The following HPGDS variants were observed in gnomAD, a reference collection of about 807,000 sequenced individuals.
HPGDS encodes GST class-sigma.
In HPGDS, 26 loss-of-function variants were observed where a neutral mutation model predicts 23.1. The observed-to-expected ratio is 1.13, with a 90% CI of 0.83 to 1.56. The LOEUF (loss-of-function observed/expected upper bound fraction) is 1.56, where lower values mean the gene tolerates loss of function less well. HPGDS is among the 40% of genes most tolerant of loss of function. HPGDS has a pLI of 0.00. For missense variants in HPGDS, 268 were observed against 236.4 expected (o/e 1.13, Z -0.88); for synonymous variants, 95 against 77.9 (o/e 1.22, Z -1.16).
At chr4:94,339,623 T>A (rs910478192) in intron 1 of HPGDS, among the ~76,000 whole-genome samples, 3 of 152,184 alleles carry the variant, frequency 2.0e-5, no homozygotes, top group Admixed American at 2.0e-4. Flanking sequence ...GGAAATAAGC[T>A]CTTTTATATG....
At position 94,328,214 on chromosome 4, in the gene HPGDS, G is replaced by C. The variant is rs548954018; in HGVS notation, c.133+6283C>G. ...AGCTGCTTCGCTTCCTTTTCTTTCT[G>C]TGCCTCAGAGGTTTCCCATCACTTC... On this transcript the variant is annotated intron_variant, in intron 2 of 5. Transcript: ENST00000295256. Among the ~76,000 whole-genome samples, 4 of 152,288 alleles carry C rather than the reference G, an allele frequency of 2.6e-5. No homozygotes were observed. The South Asian group carries it at 8.3e-4, about 32-fold the overall frequency.
chr4:94,310,777 G>A (rs962341229), intron 3 of HPGDS, among the ~76,000 whole-genome samples: 25 of 152,320 alleles, frequency 1.6e-4, no homozygotes, highest in African/African-American at 5.8e-4. Context: ...AGCATGGAAT[G>A]TTCTTCCATT....
At chr4:94,328,573 A>C (rs571334451) in intron 2 of HPGDS, among the ~76,000 whole-genome samples, 54 of 152,370 alleles carry the variant, frequency 3.5e-4, no homozygotes, top group Admixed American at 1.4e-3. Context: ...TAATTCAGCC[A>C]CATAGTTTTA....
At position 94,316,509 on chromosome 4, in the gene HPGDS, C is replaced by T. The variant is rs1209357639; in HGVS notation, c.226+1364G>A. On this transcript the variant is annotated intron_variant, in intron 3 of 5. Coordinates refer to ENST00000295256, the MANE Select transcript of HPGDS (RefSeq NM_014485.3). Reference sequence around the variant, plus strand: ...ACAATAATCTTCCCAAAATGCATAGCGGTAGTTATGCTGCTTTTCTAGATA... The same window carrying T: ...ACAATAATCTTCCCAAAATGCATAGTGGTAGTTATGCTGCTTTTCTAGATA... Among the ~76,000 whole-genome samples the T allele has an allele frequency of 6.7e-5, 8 of 119,308 alleles. No individual in the cohort carries two copies. The South Asian group carries it at 8.0e-4, about 12-fold the overall frequency. 78.3% of individuals were successfully genotyped at this position (119,308 alleles called of 152,430 possible). A position where few individuals can be genotyped will look rare whatever the true frequency, so the allele number is the denominator to read the frequency against.
chr4:94,319,851 T>G (rs1756468219), intron 2 of HPGDS, among the ~76,000 whole-genome samples: 1 of 152,196 alleles, frequency 6.6e-6, no homozygotes, highest in Admixed American at 6.5e-5. Flanking sequence ...CATGTTGGTG[T>G]GCTGCACCCA....
chr4:94,330,831 C>T (rs1290372670), intron 2 of HPGDS, among the ~76,000 whole-genome samples: 1 of 152,050 alleles, frequency 6.6e-6, no homozygotes, highest in African/African-American at 2.4e-5. Context: ...TTTGACAGCA[C>T]CCTGTTGTTA....
At position 94,299,488 on chromosome 4, in the gene HPGDS, T is replaced by A; in HGVS notation, c.592A>T (p.Lys198Ter). Residue 198 changes from lysine (K) to a stop codon, truncating the protein, a stop_gained, in exon 6 of 6, where the codon AAA becomes TAA. Transcript: ENST00000295256. LOFTEE classifies it high-confidence loss of function. ...AAGGCAACATGGATCAGCTAGAGTT[T>A]GGTTTGGGGCCTTCGTTTTATCCAG... Reference protein sequence around the residue: ...ANWIKRRPQTKL With the variant: ...ANWIKRRPQT The A allele has an allele frequency of 6.2e-7, 1 of 1,607,198 alleles. No homozygotes were observed. The highest frequency in any genetic ancestry group is 8.5e-7 in the Non-Finnish European group (1 of 1,175,616).
rs890104076 is a variant in HPGDS at position 94,315,553 on chromosome 4, T to C, written c.226+2320A>G. Among the ~76,000 whole-genome samples, 4 of 152,296 alleles carry C rather than the reference T, an allele frequency of 2.6e-5. No individual in the cohort carries two copies. In the East Asian group the frequency reaches 7.7e-4, roughly 29 times the overall value. On this transcript the variant is annotated intron_variant, in intron 3 of 5. Transcript: ENST00000295256. ...ATAAATCATTGGTCTTCCTAAAAGT[T>C]TTCTCAATGGTGCCAATTTAAAATG...
chr4:94,315,576 ATGCTCCCGTGT>A (rs1251994413), intron 3 of HPGDS, among the ~76,000 whole-genome samples: 23 of 152,172 alleles, frequency 1.5e-4, no homozygotes, highest in Admixed American at 2.6e-4. Flanking sequence ...CCAATTTAAA[ATGCTCCCGTGT>A]AGAAGCTTTC....
chr4:94,305,409 A>G (rs1448696968), intron 4 of HPGDS, among the ~76,000 whole-genome samples: 2 of 152,102 alleles, frequency 1.3e-5, no homozygotes, highest in African/African-American at 4.8e-5. Context: ...CATTTATATC[A>G]TGGAGTTAGT....
At chr4:94,314,880 A>G (rs1021157812) in intron 3 of HPGDS, among the ~76,000 whole-genome samples, 2 of 152,096 alleles carry the variant, frequency 1.3e-5, no homozygotes, top group Non-Finnish European at 2.9e-5. Context: ...TTGCAGTTTG[A>G]TCTCAGACTG....
intron 1 of HPGDS, 21 bp from the exon 2 acceptor site, chr4:94,334,659 G>A: frequency 6.2e-7 from 1 of 1,601,922 alleles, no homozygotes; most frequent in Non-Finnish European, 8.5e-7. Context: ...AAAAAGGGAG[G>A]GATTATTTTA....
intron 2 of HPGDS, among the ~76,000 whole-genome samples, chr4:94,320,344 T>C (rs890287369): frequency 2.2e-4 from 34 of 152,318 alleles, no homozygotes; most frequent in African/African-American, 7.2e-4. Context: ...CACACTGTCT[T>C]CCACAATGGT....
intron 1 of HPGDS, among the ~76,000 whole-genome samples, chr4:94,340,258 A>C (rs1429574065): frequency 9.7e-6 from 1 of 103,362 alleles, no homozygotes; most frequent in Admixed American, 9.8e-5. Flanking sequence ...GCCTGGTCTA[A>C]ACCTTTCTTT....
At chr4:94,313,967 G>A (rs192709929) in intron 3 of HPGDS, among the ~76,000 whole-genome samples, 17 of 151,994 alleles carry the variant, frequency 1.1e-4, no homozygotes, top group East Asian at 1.9e-4. Flanking sequence ...TGTAGTTCTC[G>A]TGCCATGGTT....
intron 2 of HPGDS, among the ~76,000 whole-genome samples, chr4:94,322,410 T>G (rs1419491823): frequency 3.3e-5 from 5 of 152,242 alleles, no homozygotes; most frequent in Non-Finnish European, 7.3e-5. Context: ...TTTTGGTTGG[T>G]AGGCTATTAA....
intron 1 of HPGDS, among the ~76,000 whole-genome samples, chr4:94,339,428 T>C (rs1398754075): frequency 2.0e-5 from 3 of 152,174 alleles, no homozygotes; most frequent in Non-Finnish European, 4.4e-5. Flanking sequence ...TCGTGTAAAG[T>C]TACTAATTCA....
chr4:94,332,398 G>A (rs1431864247), intron 2 of HPGDS, among the ~76,000 whole-genome samples: 1 of 152,244 alleles, frequency 6.6e-6, no homozygotes, highest in Non-Finnish European at 1.5e-5. Flanking sequence ...GCCCTTGCTG[G>A]TGGGGGGCAG....
chr4:94,329,623 G>C (rs1756700912), intron 2 of HPGDS, among the ~76,000 whole-genome samples: 1 of 152,152 alleles, frequency 6.6e-6, no homozygotes, highest in South Asian at 2.1e-4. Context: ...ATAAAGGGCA[G>C]ATGAAGAATA....
Sources: gnomAD v4.1 joint callset for allele counts (sites outside exome capture counted in the v4.1 genomes callset) on GRCh38, gnomAD v4.1.1 for gene constraint, MANE v1.5 for transcripts, NCBI Gene and HGNC (gene_info 2026-07-23, HGNC 2026-07-21) for gene names.